ARHGAP27: variants seen among roughly 807,000 people sequenced by gnomAD.
ARHGAP27 encodes rho GTPase-activating protein 27.
Under a neutral mutation model 102.0 loss-of-function variants are expected in ARHGAP27, and 53 were observed. The ratio of observed to expected loss-of-function variants is 0.52; its 90% CI spans 0.42 to 0.65. The LOEUF (loss-of-function observed/expected upper bound fraction) is 0.65, where lower values mean the gene tolerates loss of function less well. Ranked by LOEUF, ARHGAP27 falls within the 30% of genes least tolerant of loss-of-function variation. ARHGAP27 has a pLI of 0.00. For missense variants in ARHGAP27, 1,117 were observed against 1,256.2 expected, an observed-to-expected ratio of 0.89 and a Z score of 1.68; for synonymous variants, 525 against 542.8, an observed-to-expected ratio of 0.97 and a Z score of 0.46.
In ARHGAP27 at chr17:45,429,988, C is replaced by A; in HGVS notation, c.292G>T (p.Val98Leu). 1 of 1,171,692 alleles carries A rather than the reference C, an allele frequency of 8.5e-7. No homozygotes were observed. Among genetic ancestry groups the A allele is most frequent in the Non-Finnish European group, 1.1e-6 (1 of 951,302 alleles). 72.6% of individuals were successfully genotyped at this position (1,171,692 alleles called of 1,614,324 possible). A position where few individuals can be genotyped will look rare whatever the true frequency, so the allele number is the denominator to read the frequency against. ...GGGCCCGCGGTCGCCGCCGCGCTCA[C>A]AAACCGGTAGTCGTAGGCGAGCGGC... ...PEPLAYDYRF[V>L]SAAATAGPDG... Residue 98 changes from valine to leucine, a missense_variant, in exon 4 of 20, where the codon GTG (valine) becomes TTG (leucine). Coordinates refer to ENST00000685559, the MANE Select transcript of ARHGAP27 (RefSeq NM_001282290.2).
intron 4 of ARHGAP27, 146 bp from the exon 5 acceptor site, chr17:45,406,229 C>A (rs2047152551): frequency 2.0e-6 from 2 of 995,340 alleles, no homozygotes; most frequent in Middle Eastern, 2.8e-4. Flanking sequence ...AAATTTTGTA[C>A]AACAAAGCAT....
intron 4 of ARHGAP27, chr17:45,425,685 T>G: frequency 1.0e-6 from 1 of 979,548 alleles, no homozygotes; most frequent in Non-Finnish European, 1.2e-6. Flanking sequence ...GGCTGGAACT[T>G]CCCTCCCAGC....
chr17:45,407,261 C>T (rs1188213043), intron 4 of ARHGAP27, among the ~76,000 whole-genome samples: 1 of 152,156 alleles, frequency 6.6e-6, no homozygotes, highest in African/African-American at 2.4e-5. Flanking sequence ...CAGGCCTAGG[C>T]TCATCTGCAG....
In ARHGAP27 at chr17:45,395,243, A is replaced by C; in HGVS notation, c.*213T>G. The stretch of plus-strand genomic sequence containing the variant: ...CCAAACAGGACGTGACGGGAAGGGA[A>C]GGGGGGATGGGGAGTTGGGAAGAAG... On this transcript the variant is annotated 3_prime_UTR_variant, in exon 20 of 20. Transcript: ENST00000685559. 5.0e-6 allele frequency: 3 copies of C among 605,790 alleles called. No homozygotes were observed. The highest frequency in any genetic ancestry group is 2.9e-5 in the East Asian group (1 of 34,082). 37.5% of individuals were successfully genotyped at this position (605,790 alleles called of 1,614,324 possible).
At chr17:45,407,036 A>C (rs1281766668) in intron 4 of ARHGAP27, among the ~76,000 whole-genome samples, 1 of 152,142 alleles carries the variant, frequency 6.6e-6, no homozygotes, top group African/African-American at 2.4e-5. Context: ...AGCCATGCGT[A>C]AGCCTCCCGG....
At chr17:45,405,261 T>A (rs2046998493) in intron 5 of ARHGAP27, among the ~76,000 whole-genome samples, 155 bp from the exon 6 acceptor site, 1 of 145,704 alleles carries the variant, frequency 6.9e-6, no homozygotes, top group South Asian at 2.2e-4. Context: ...GCTCCGCACC[T>A]CACCCTCTGG....
Position 45,399,834 on chromosome 17 carries a change from G to A in ARHGAP27, c.1744-1787C>T, listed in dbSNP as rs2046236754. Among the ~76,000 whole-genome samples the A allele has an allele frequency of 3.9e-5, 6 of 152,200 alleles. No individual in the cohort carries two copies. In the South Asian group the frequency reaches 8.3e-4, roughly 21 times the overall value. The stretch of plus-strand genomic sequence containing the variant: ...TCATATTTGCAAGTTTCATATAGAG[G>A]GCAAAGCTGTATCATTACATAGCAA... On this transcript the variant is annotated intron_variant, in intron 12 of 19. Transcript: ENST00000685559.
At chr17:45,396,331 G>A (rs2045656213) in intron 16 of ARHGAP27, 47 bp from the exon 17 acceptor site, 4 of 1,561,396 alleles carry the variant, frequency 2.6e-6, no homozygotes, top group Admixed American at 3.8e-5. Context: ...ATGGGGATAG[G>A]GTGGGGCTAC....
At chr17:45,402,187 G>A (rs1316502376) in intron 12 of ARHGAP27, among the ~76,000 whole-genome samples, 1 of 152,026 alleles carries the variant, frequency 6.6e-6, no homozygotes, top group Admixed American at 6.5e-5. Flanking sequence ...AAAGGGACCT[G>A]GGGAGAAAGA....
chr17:45,424,389 C>G (rs961765871), intron 4 of ARHGAP27, among the ~76,000 whole-genome samples: 2 of 152,248 alleles, frequency 1.3e-5, no homozygotes, highest in Non-Finnish European at 2.9e-5. Context: ...CTCCCCGGCA[C>G]AGATCCAGCT....
At position 45,405,686 on chromosome 17, in the gene ARHGAP27, C is replaced by G; in HGVS notation, c.1055G>C (p.Gly352Ala). ...GGCCCTGCCCCTCACCCGCGGGTCCCCTGGGCTGCCAGGGCTCAGGCCCGG... is the reference window on the plus strand; with the variant it reads ...GGCCCTGCCCCTCACCCGCGGGTCCGCTGGGCTGCCAGGGCTCAGGCCCGG... ...MQPGLSPGSPGDPRPPTPETD... is the reference protein window; with the variant it reads ...MQPGLSPGSPADPRPPTPETD... The change falls in exon 5 of 20, where the codon GGG becomes GCG. Residue 352 changes from glycine (G) to alanine (A), a missense_variant. Transcript: ENST00000685559. 2 of 1,595,534 alleles carry G rather than the reference C, an allele frequency of 1.3e-6. No individual in the cohort carries two copies. Among genetic ancestry groups the G allele is most frequent in the South Asian group, 1.1e-5 (1 of 89,450 alleles).
intron 13 of ARHGAP27, 186 bp downstream of exon 13, chr17:45,397,763 G>T: frequency 2.2e-6 from 1 of 461,108 alleles, no homozygotes; most frequent in Non-Finnish European, 3.8e-6. Context: ...GCCAACCCCA[G>T]GGCTGGATTC....
At position 45,396,022 on chromosome 17, in the gene ARHGAP27, A is replaced by T; in HGVS notation, c.2347T>A (p.Phe783Ile). ...LFFRELPEPLFPFSHFRQFIA... is the reference protein window; with the variant it reads ...LFFRELPEPLIPFSHFRQFIA... ...AACTGGCGGAAGTGCGAGAAGGGGAAGAGGGGCTCGGGCAGCTCCCGAAAG... is the reference window on the plus strand; with the variant it reads ...AACTGGCGGAAGTGCGAGAAGGGGATGAGGGGCTCGGGCAGCTCCCGAAAG... Residue 783 changes from phenylalanine to isoleucine, a missense_variant, in exon 18 of 20, where the codon TTC becomes ATC. By Grantham distance (21) the Phe-to-Ile change is conservative. Transcript: ENST00000685559. 1 of 1,613,812 alleles carries T rather than the reference A, an allele frequency of 6.2e-7. No homozygotes were observed. Among genetic ancestry groups the T allele is most frequent in the East Asian group, 2.2e-5 (1 of 44,866 alleles).
chr17:45,410,549 G>T, intron 4 of ARHGAP27: 2 of 750,678 alleles, frequency 2.7e-6, no homozygotes, highest in Non-Finnish European at 3.8e-6. Context: ...GTGCTCTAAT[G>T]ACCAGTGAGC....
In ARHGAP27 at chr17:45,415,679, T is replaced by C. The variant is rs535067788; in HGVS notation, c.658-9596A>G. 2.0e-5 allele frequency among the ~76,000 whole-genome samples: 3 copies of C among 152,314 alleles called. No individual in the cohort carries two copies. The East Asian group carries it at 5.8e-4, about 29-fold the overall frequency. Reference sequence around the variant, plus strand: ...CTGAGCCCCATTGATCCGACCAGCCTAAGCCTTGCAGACCTGCCTACCAGT... The same window carrying C: ...CTGAGCCCCATTGATCCGACCAGCCCAAGCCTTGCAGACCTGCCTACCAGT... On this transcript the variant is annotated intron_variant, in intron 4 of 19. Transcript: ENST00000685559.
rs1424624257 is a variant in ARHGAP27, at chr17:45,429,651, A to T, written c.629T>A (p.Val210Asp). 6.3e-7 allele frequency: 1 copy of T among 1,581,230 alleles called. No homozygotes were observed. The highest frequency in any genetic ancestry group is 1.8e-5 in the Admixed American group (1 of 56,606). ...CTCTGCGCTCTCCTCCGGCGGCGGG[A>T]CGTGCAAGTCCTGGATGACCTCGTA... The part of the protein sequence containing the change: ...NVYEVIQDLH[V>D]PPPEESAEQV... Residue 210 changes from valine (V) to aspartate (D), a missense_variant, in exon 4 of 20, where the codon GTC becomes GAC. By Grantham distance (152) the Val-to-Asp change is radical. Coordinates refer to ENST00000685559, the MANE Select transcript of ARHGAP27 (RefSeq NM_001282290.2).
chr17:45,395,471 G>A lies in ARHGAP27; in HGVS notation c.2655C>T (p.Ile885=), dbSNP rs1459661424. ...VELILQQCAD[I]FPPH is the part of the protein sequence containing the mutation. The stretch of plus-strand genomic sequence containing the variant: ...AGGCCAGCAGTCAGTGCGGCGGGAA[G>A]ATGTCCGCGCACTGCTGCAGGATGA... The change falls in exon 20 of 20, where the codon ATC becomes ATT. Residue 885 remains isoleucine, a synonymous_variant. Coordinates refer to ENST00000685559, the MANE Select transcript of ARHGAP27 (RefSeq NM_001282290.2). The A allele has an allele frequency of 2.6e-6, 4 of 1,564,024 alleles. No individual in the cohort carries two copies. The highest frequency in any genetic ancestry group is 1.7e-6 in the Non-Finnish European group (2 of 1,153,500).
chr17:45,426,390 G>T (rs1369754733), intron 4 of ARHGAP27, among the ~76,000 whole-genome samples: 1 of 152,122 alleles, frequency 6.6e-6, no homozygotes, highest in South Asian at 2.1e-4. Flanking sequence ...CCAGTGTCCA[G>T]CACAGTGACC....
At chr17:45,404,765 G>A in intron 6 of ARHGAP27, 84 bp from the exon 7 acceptor site, 1 of 1,514,344 alleles carries the variant, frequency 6.6e-7, no homozygotes, top group Non-Finnish European at 9.0e-7. Context: ...TTCCAAGACA[G>A]CACCAGGGAG....
Sources: gnomAD v4.1 joint callset for allele counts (sites outside exome capture counted in the v4.1 genomes callset) on GRCh38, gnomAD v4.1.1 for gene constraint, MANE v1.5 for transcripts, NCBI Gene and HGNC (gene_info 2026-07-23, HGNC 2026-07-21) for gene names.